Variants in ZBTB20 observed in about 807,000 individuals in gnomAD.
The protein encoded by ZBTB20 is zinc finger and BTB domain containing 20.
In ZBTB20, 9 loss-of-function variants were observed where a neutral mutation model predicts 56.9. That is an observed-to-expected ratio of 0.16 (90% CI 0.10 to 0.28). The LOEUF (loss-of-function observed/expected upper bound fraction) is 0.28. Among genes scored for constraint, ZBTB20 ranks in the 10% least tolerant of loss-of-function variants. ZBTB20 has a pLI of 1.00. For missense variants in ZBTB20, 655 were observed against 1,003.0 expected, an observed-to-expected ratio of 0.65 and a Z score of 4.69; for synonymous variants, 417 against 420.7, an observed-to-expected ratio of 0.99 and a Z score of 0.11.
At chr3:114,861,327 T>C (rs2075517170) in intron 4 of ZBTB20, among the ~76,000 whole-genome samples, 1 of 152,188 alleles carries the variant, frequency 6.6e-6, no homozygotes, top group Non-Finnish European at 1.5e-5. Flanking sequence ...ACCAAATACT[T>C]TGTCTTATTC....
intron 2 of ZBTB20, among the ~76,000 whole-genome samples, chr3:115,062,969 A>G (rs1262025376): frequency 6.6e-6 from 1 of 152,164 alleles, no homozygotes; most frequent in Non-Finnish European, 1.5e-5. Flanking sequence ...ACCAAATGAA[A>G]GTTTATCTGT....
chr3:114,822,120 C>A (rs941123905), intron 4 of ZBTB20, among the ~76,000 whole-genome samples: 3 of 151,936 alleles, frequency 2.0e-5, no homozygotes, highest in Non-Finnish European at 4.4e-5. Flanking sequence ...GCGTTAGATG[C>A]AACAATATTA....
At chr3:114,877,215 C>T (rs1160775761) in intron 4 of ZBTB20, among the ~76,000 whole-genome samples, 1 of 152,160 alleles carries the variant, frequency 6.6e-6, no homozygotes, top group Non-Finnish European at 1.5e-5. Flanking sequence ...TTAAAACCAA[C>T]CATTCATTTA....
At position 114,940,517 on chromosome 3, in the gene ZBTB20, G is replaced by C. The variant is rs189696436; in HGVS notation, c.-456+33849C>G. On this transcript the variant is annotated intron_variant, in intron 3 of 11. Coordinates refer to ENST00000675478, the MANE Select transcript of ZBTB20 (RefSeq NM_001348800.3). ...TGTCATGCACCCTAATTAGACAAAC[G>C]TGTTTTCCAGGTCTATTTGAAGGAC... Among the ~76,000 whole-genome samples the C allele has an allele frequency of 5.0e-4, 73 of 145,554 alleles. 16 individuals are homozygous for C. The highest frequency in any genetic ancestry group is 1.9e-3 in the African/African-American group (68 of 35,504).
chr3:114,511,678 A>G (rs1479273761), intron 6 of ZBTB20, among the ~76,000 whole-genome samples: 1 of 152,072 alleles, frequency 6.6e-6, no homozygotes, highest in African/African-American at 2.4e-5. Context: ...ATTTTTGTTT[A>G]GTGTCTTAAA....
intron 4 of ZBTB20, among the ~76,000 whole-genome samples, chr3:114,827,271 G>A (rs2073580936): frequency 6.6e-6 from 1 of 151,496 alleles, no homozygotes; most frequent in African/African-American, 2.4e-5. Context: ...GACCTCTACT[G>A]GAAATCTCAC....
chr3:114,459,186 T>TCAAG (rs887397026), intron 7 of ZBTB20, among the ~76,000 whole-genome samples: 16 of 152,206 alleles, frequency 1.1e-4, no homozygotes, highest in Admixed American at 1.0e-3. Flanking sequence ...TGATTTACTT[T>TCAAG]CAAGCACCTT....
intron 5 of ZBTB20, among the ~76,000 whole-genome samples, chr3:114,778,379 C>A (rs1255035606): frequency 2.0e-5 from 3 of 150,888 alleles, no homozygotes; most frequent in African/African-American, 7.3e-5. Context: ...AACAAAAAAC[C>A]CAATAACTTA....
At chr3:115,016,936 G>C (rs1270640461) in intron 2 of ZBTB20, among the ~76,000 whole-genome samples, 2 of 151,592 alleles carry the variant, frequency 1.3e-5, no homozygotes, top group African/African-American at 4.8e-5. Context: ...ATACAGAATG[G>C]ACAAAAGCTG....
intron 6 of ZBTB20, among the ~76,000 whole-genome samples, chr3:114,525,539 C>A (rs2047124883): frequency 6.6e-6 from 1 of 152,164 alleles, no homozygotes; most frequent in South Asian, 2.1e-4. Flanking sequence ...GATGGTTTTT[C>A]TATGATTACC....
At chr3:114,958,157 T>A (rs1442280752) in intron 3 of ZBTB20, among the ~76,000 whole-genome samples, 2 of 152,214 alleles carry the variant, frequency 1.3e-5, no homozygotes, top group African/African-American at 4.8e-5. Context: ...AGCTCCCTTT[T>A]CAGGGAAAAA....
intron 5 of ZBTB20, among the ~76,000 whole-genome samples, chr3:114,723,810 T>C (rs1387473761): frequency 6.6e-6 from 1 of 152,182 alleles, no homozygotes; most frequent in Non-Finnish European, 1.5e-5. Context: ...AATAAAATAA[T>C]AAAAAGCTTA....
At chr3:114,562,217 T>C (rs1172749175) in intron 6 of ZBTB20, among the ~76,000 whole-genome samples, 1 of 149,282 alleles carries the variant, frequency 6.7e-6, no homozygotes, top group African/African-American at 2.5e-5. Flanking sequence ...TAGGCTGGAG[T>C]GCAGTGGTGC....
rs2079514210 is a variant in ZBTB20 at position 114,337,893 on chromosome 3, T to C, written c.*1112A>G. ...AAAACCAAAATGAAAAAAATTACTT[T>C]TAACAATTTCACTTTTTTTGTTTTT... On this transcript the variant is annotated 3_prime_UTR_variant, in exon 12 of 12. Coordinates refer to ENST00000675478, the MANE Select transcript of ZBTB20 (RefSeq NM_001348800.3). 6.6e-6 allele frequency: 1 copy of C among 151,886 alleles called. No homozygotes were observed. Among genetic ancestry groups the C allele is most frequent in the African/African-American group, 2.4e-5 (1 of 41,408 alleles). 9.4% of individuals were successfully genotyped at this position (151,886 alleles called of 1,614,324 possible).
At chr3:114,663,348 T>C (rs2060851454) in intron 6 of ZBTB20, among the ~76,000 whole-genome samples, 2 of 151,408 alleles carry the variant, frequency 1.3e-5, no homozygotes, top group Non-Finnish European at 2.9e-5. Flanking sequence ...TGAGAGATTT[T>C]GTCACCACCA....
intron 6 of ZBTB20, among the ~76,000 whole-genome samples, chr3:114,610,662 G>A (rs895447687): frequency 6.6e-6 from 1 of 152,106 alleles, no homozygotes; most frequent in South Asian, 2.1e-4. Context: ...ACTCAAAAAG[G>A]GTTGTCCCTA....
chr3:115,071,045 T>C (rs2082392164), intron 2 of ZBTB20, among the ~76,000 whole-genome samples, 174 bp downstream of exon 2: 1 of 151,966 alleles, frequency 6.6e-6, no homozygotes, highest in South Asian at 2.1e-4. Flanking sequence ...GTCAGAATTA[T>C]ATAAAATAAA....
intron 2 of ZBTB20, among the ~76,000 whole-genome samples, chr3:114,975,018 T>C (rs2078039691): frequency 6.6e-6 from 1 of 152,170 alleles, no homozygotes; most frequent in African/African-American, 2.4e-5. Context: ...CATGGCTTAA[T>C]ATTTCCTGTT....
intron 6 of ZBTB20, among the ~76,000 whole-genome samples, chr3:114,646,787 G>C (rs2059864080): frequency 6.6e-6 from 1 of 152,106 alleles, no homozygotes; most frequent in African/African-American, 2.4e-5. Context: ...AAGGGAACTG[G>C]CAAACGTTGG....
Sources: gnomAD v4.1 joint callset for allele counts (sites outside exome capture counted in the v4.1 genomes callset) on GRCh38, gnomAD v4.1.1 for gene constraint, MANE v1.5 for transcripts, NCBI Gene and HGNC (gene_info 2026-07-23, HGNC 2026-07-21) for gene names.